The following PCDH7 variants were observed in gnomAD, a reference collection of about 807,000 sequenced individuals.
PCDH7 encodes the protein protocadherin-7.
Under a neutral mutation model 58.9 loss-of-function variants are expected in PCDH7, and 17 were observed. The ratio of observed to expected loss-of-function variants is 0.29; its 90% CI spans 0.20 to 0.43. PCDH7 has a LOEUF of 0.43. PCDH7 is among the 20% of genes least tolerant of loss of function. The pLI, the probability that PCDH7 is intolerant of heterozygous loss-of-function variation, is 1.00. For synonymous variants in PCDH7, 664 were observed against 616.4 expected (o/e 1.08, Z -1.14); for missense variants, 1,274 against 1,441.0 (o/e 0.88, Z 1.88).
At chr4:31,035,364 G>T (rs777219288) in intron 3 of PCDH7, among the ~76,000 whole-genome samples, 1 of 145,444 alleles carries the variant, frequency 6.9e-6, no homozygotes, top group East Asian at 2.1e-4. Context: ...AGCGATTCTC[G>T]TGCCTCAGCC....
At chr4:31,003,633 C>A (rs1752531005) in intron 3 of PCDH7, among the ~76,000 whole-genome samples, 1 of 152,088 alleles carries the variant, frequency 6.6e-6, no homozygotes, top group South Asian at 2.1e-4. Flanking sequence ...TGGGGCCAGG[C>A]ACGGTGGCTC....
At chr4:31,102,470 T>C (rs1349237867) in intron 3 of PCDH7, among the ~76,000 whole-genome samples, 12 of 152,018 alleles carry the variant, frequency 7.9e-5, no homozygotes, top group Non-Finnish European at 5.9e-5. Flanking sequence ...TGCCTGTAAT[T>C]CCAGCACTTT....
intron 3 of PCDH7, among the ~76,000 whole-genome samples, chr4:31,034,084 ACT>A (rs1168465805): frequency 6.7e-6 from 1 of 150,370 alleles, no homozygotes; most frequent in Non-Finnish European, 1.5e-5. Context: ...ACAGAGTGAG[ACT>A]CTGTCTCAAA....
intron 3 of PCDH7, among the ~76,000 whole-genome samples, chr4:30,994,143 A>G (rs1258144492): frequency 6.6e-6 from 1 of 152,236 alleles, no homozygotes; most frequent in East Asian, 1.9e-4. Flanking sequence ...TGATTCTTAT[A>G]ATCTACAATT....
intron 2 of PCDH7, among the ~76,000 whole-genome samples, chr4:30,940,366 C>G (rs1300175037): frequency 2.0e-5 from 3 of 151,778 alleles, no homozygotes; most frequent in African/African-American, 7.2e-5. Context: ...TTTTAGAATT[C>G]TTTTTATAAT....
chr4:30,818,799 G>A (rs900709802), intron 1 of PCDH7, among the ~76,000 whole-genome samples: 7 of 152,070 alleles, frequency 4.6e-5, no homozygotes, highest in Non-Finnish European at 2.9e-5. Flanking sequence ...TGGCAGGGAA[G>A]ATTACAAAAA....
intron 1 of PCDH7, among the ~76,000 whole-genome samples, chr4:30,868,684 T>G (rs1273002191): frequency 6.6e-6 from 1 of 152,080 alleles, no homozygotes; most frequent in East Asian, 1.9e-4. Context: ...ATATCAAGAA[T>G]TCTTGACCCC....
chr4:30,890,249 T>G (rs1247264656), intron 1 of PCDH7, among the ~76,000 whole-genome samples: 1 of 152,140 alleles, frequency 6.6e-6, no homozygotes, highest in Non-Finnish European at 1.5e-5. Flanking sequence ...CGAACTGTAA[T>G]TTGCATGCCA....
At chr4:31,057,757 A>G (rs28432079) in intron 3 of PCDH7, among the ~76,000 whole-genome samples, 3,998 of 152,210 alleles carry the variant, frequency 0.026, 179 homozygotes, top group African/African-American at 0.091. Flanking sequence ...TCCTCATCTA[A>G]CCATTTCTTT....
intron 3 of PCDH7, among the ~76,000 whole-genome samples, chr4:31,128,093 ATGTATATATG>A (rs1052187808): frequency 1.4e-5 from 2 of 145,622 alleles, no homozygotes; most frequent in South Asian, 2.1e-4. Flanking sequence ...ATGCATATAT[ATGTATATATG>A]TGTATATATA....
intron 1 of PCDH7, among the ~76,000 whole-genome samples, chr4:30,894,559 A>G (rs1739138027): frequency 8.8e-6 from 1 of 114,178 alleles, no homozygotes; most frequent in Non-Finnish European, 1.8e-5. Context: ...ACACACACAC[A>G]TATATACATA....
intron 3 of PCDH7, among the ~76,000 whole-genome samples, chr4:30,988,788 T>C (rs1365375641): frequency 6.6e-6 from 1 of 152,204 alleles, no homozygotes; most frequent in Admixed American, 6.5e-5. Flanking sequence ...CAAGAGATTA[T>C]TTTTTAAATG....
intron 1 of PCDH7, among the ~76,000 whole-genome samples, chr4:30,751,262 G>T (rs1169214919): frequency 1.3e-5 from 2 of 152,144 alleles, no homozygotes; most frequent in Admixed American, 1.3e-4. Flanking sequence ...TAAAATTAAT[G>T]CTGTGCATAT....
chr4:31,088,631 C>G (rs574104732), intron 3 of PCDH7, among the ~76,000 whole-genome samples: 48 of 152,098 alleles, frequency 3.2e-4, no homozygotes, highest in African/African-American at 1.1e-3. Context: ...ATTACCAAAA[C>G]TAGCAATGAA....
intron 3 of PCDH7, among the ~76,000 whole-genome samples, chr4:31,008,179 T>A (rs774796861): frequency 6.6e-6 from 1 of 151,910 alleles, no homozygotes; most frequent in Non-Finnish European, 1.5e-5. Flanking sequence ...GAAAAAAAAA[T>A]GAAATCAAGT....
intron 1 of PCDH7, among the ~76,000 whole-genome samples, chr4:30,786,453 G>A (rs186505653): frequency 1.3e-5 from 2 of 152,140 alleles, no homozygotes; most frequent in African/African-American, 4.8e-5. Context: ...CACACTAAAT[G>A]CAGTGTTTCT....
chr4:30,735,403 C>T (rs1716108440), downstream of PCDH7, among the ~76,000 whole-genome samples: 3 of 152,168 alleles, frequency 2.0e-5, no homozygotes, highest in South Asian at 6.2e-4. Context: ...TATGCCGTAT[C>T]TTGAGAGCAA....
chr4:30,851,882 C>T (rs1390294645), intron 1 of PCDH7, among the ~76,000 whole-genome samples: 1 of 152,030 alleles, frequency 6.6e-6, no homozygotes, highest in African/African-American at 2.4e-5. Context: ...TTCATTTACT[C>T]CTAAAACCTA....
chr4:30,997,178 C>T (rs975086249), intron 3 of PCDH7, among the ~76,000 whole-genome samples: 19 of 150,958 alleles, frequency 1.3e-4, no homozygotes, highest in Admixed American at 1.2e-3. Context: ...AGCTAAAGAG[C>T]GATATAATAA....
Sources: allele counts gnomAD v4.1 joint callset (sites outside exome capture counted in the v4.1 genomes callset), GRCh38; gene constraint gnomAD v4.1.1; transcripts MANE v1.5; gene names NCBI Gene and HGNC (gene_info 2026-07-23, HGNC 2026-07-21).